The following CTSB variants were observed in gnomAD, a reference collection of about 807,000 sequenced individuals.
CTSB encodes the protein APP secretase.
Under a neutral mutation model 44.3 loss-of-function variants are expected in CTSB, and 57 were observed. That is an observed-to-expected ratio of 1.29 (90% CI 1.04 to 1.60). The LOEUF (loss-of-function observed/expected upper bound fraction) is 1.60. Ranked by LOEUF, CTSB falls within the 40% of genes most tolerant of loss-of-function variation. The pLI is 0.00. For missense variants in CTSB, 768 were observed against 443.0 expected (o/e 1.73, Z -6.59); for synonymous variants, 320 against 168.0 (o/e 1.91, Z -7.00).
intron 1 of CTSB, chr8:11,865,318 G>A (rs1304562656): frequency 6.6e-6 from 1 of 152,214 alleles, no homozygotes; most frequent in Non-Finnish European, 1.5e-5. Flanking sequence ...GCCGAGGTGG[G>A]CGGATCACGA....
intron 4 of CTSB, among the ~76,000 whole-genome samples, chr8:11,850,459 AAAG>A (rs991858118): frequency 2.6e-5 from 4 of 151,774 alleles, no homozygotes; most frequent in African/African-American, 9.7e-5. Flanking sequence ...AAAGAAAACA[AAAG>A]AAGATTGCTA....
chr8:11,855,345 A>G (rs1051109415), intron 1 of CTSB, among the ~76,000 whole-genome samples: 1 of 152,148 alleles, frequency 6.6e-6, no homozygotes, highest in Non-Finnish European at 1.5e-5. Context: ...AAAAAGTTTT[A>G]TGAAAAAAAT....
intron 6 of CTSB, 101 bp from the exon 7 acceptor site, chr8:11,847,923 C>A: frequency 7.0e-7 from 1 of 1,431,752 alleles, no homozygotes; most frequent in Non-Finnish European, 9.5e-7. Context: ...CCAGGCAGGT[C>A]CTGCCAGAGG....
intron 1 of CTSB, among the ~76,000 whole-genome samples, chr8:11,863,389 G>T (rs1224677512): frequency 6.6e-6 from 1 of 151,810 alleles, no homozygotes; most frequent in Admixed American, 6.6e-5. Context: ...AACCCGGGAG[G>T]CGGAGGTTAC....
At chr8:11,862,983 A>G (rs1202206540) in intron 1 of CTSB, among the ~76,000 whole-genome samples, 2 of 152,182 alleles carry the variant, frequency 1.3e-5, no homozygotes, top group East Asian at 3.9e-4. Context: ...CAAGACTGCC[A>G]GCCACACATC....
chr8:11,860,955 C>G (rs983084080), intron 1 of CTSB, among the ~76,000 whole-genome samples: 1 of 152,250 alleles, frequency 6.6e-6, no homozygotes, highest in African/African-American at 2.4e-5. Context: ...TGGAGCAGCC[C>G]TGCACTGGGT....
intron 1 of CTSB, among the ~76,000 whole-genome samples, chr8:11,859,639 G>C (rs774580361): frequency 2.0e-5 from 3 of 151,646 alleles, no homozygotes; most frequent in Non-Finnish European, 4.4e-5. Context: ...ACGGTGGTGG[G>C]TGCCTGTAAT....
In CTSB at chr8:11,849,141, G is replaced by A. The variant is rs763522789; in HGVS notation, c.351C>T (p.Ile117=). ...SCWAFGAVEA[I]SDRICIHTNA... ...TGGTGTGGATGCAGATCCGGTCAGAGATGGCTTCCACAGCCCCGAAGGCCT... is the reference window on the plus strand; with the variant it reads ...TGGTGTGGATGCAGATCCGGTCAGAAATGGCTTCCACAGCCCCGAAGGCCT... Residue 117 remains isoleucine (I), a synonymous_variant, in exon 5 of 10, where the codon ATC becomes ATT. Transcript: ENST00000353047. The A allele has an allele frequency of 1.2e-6, 2 of 1,612,974 alleles. No individual in the cohort carries two copies.
At chr8:11,863,268 G>T (rs1053850119) in intron 1 of CTSB, among the ~76,000 whole-genome samples, 2 of 152,124 alleles carry the variant, frequency 1.3e-5, no homozygotes, top group African/African-American at 2.4e-5. Flanking sequence ...ACACCAGCCC[G>T]ACAAACATAG....
rs1195800646 is a variant in CTSB at position 11,848,171 on chromosome 8, A to G, written c.447-19T>C. The G allele has an allele frequency of 3.1e-6, 5 of 1,608,514 alleles. No individual in the cohort carries two copies. The highest frequency in any genetic ancestry group is 3.4e-6 in the Non-Finnish European group (4 of 1,174,944). On this transcript the variant is annotated intron_variant, in intron 5 of 9. Transcript: ENST00000353047. Reference sequence around the variant, plus strand: ...ATTACAGCTGAAAAGACAGCCTCTAATGAAAACCTCTGAGAGAAGCACCAC... The same window carrying G: ...ATTACAGCTGAAAAGACAGCCTCTAGTGAAAACCTCTGAGAGAAGCACCAC...
Position 11,843,574 on chromosome 8 carries a change from C to T in CTSB, c.*1551G>A, listed in dbSNP as rs756479832. ...AATGCAAACCAGTGGCATACAAATT[C>T]AAAATACTGTATACAGGCCCTGACT... On this transcript the variant is annotated 3_prime_UTR_variant, in exon 10 of 10. Coordinates refer to ENST00000353047, the MANE Select transcript of CTSB (RefSeq NM_001908.5). The T allele has an allele frequency of 1.3e-5, 2 of 152,238 alleles. No homozygotes were observed. Among genetic ancestry groups the T allele is most frequent in the African/African-American group, 2.4e-5 (1 of 41,456 alleles). 9.4% of individuals were successfully genotyped at this position (152,238 alleles called of 1,614,324 possible).
intron 7 of CTSB, among the ~76,000 whole-genome samples, 175 bp from the exon 8 acceptor site, chr8:11,847,343 G>A (rs568349958): frequency 6.6e-6 from 1 of 152,120 alleles, no homozygotes; most frequent in Non-Finnish European, 1.5e-5. Flanking sequence ...GACAGGGCTG[G>A]GGCTGGAAGC....
Position 11,853,465 on chromosome 8 carries a change from G to A in CTSB, c.-11C>T, listed in dbSNP as rs1137063. The A allele has an allele frequency of 0.073, 117,938 of 1,609,730 alleles. 4,957 individuals are homozygous for A. The highest frequency in any genetic ancestry group is 0.085 in the Non-Finnish European group (99,782 of 1,178,852). ...CCAGAGCTGCCACATGTTGGAAGCC[G>A]GATCCTAGATCCACCTGGAGAGGAC... is the stretch of plus-strand genomic sequence containing the variant. On this transcript the variant is annotated 5_prime_UTR_variant, in exon 2 of 10. Coordinates refer to ENST00000353047, the MANE Select transcript of CTSB (RefSeq NM_001908.5).
intron 1 of CTSB, chr8:11,854,656 T>G (rs1043274814): frequency 6.6e-6 from 1 of 152,118 alleles, no homozygotes; most frequent in Non-Finnish European, 1.5e-5. Context: ...AATTTCTGTA[T>G]TTTTAGTAGA....
intron 1 of CTSB, among the ~76,000 whole-genome samples, chr8:11,855,844 C>T (rs1454964015): frequency 6.6e-6 from 1 of 151,920 alleles, no homozygotes; most frequent in African/African-American, 2.4e-5. Context: ...ATGGTGAAAC[C>T]CCGTCTCCAC....
rs1812533227 is a variant in CTSB at position 11,842,987 on chromosome 8, CACCGAGGCTG to C, written c.*2128_*2137del. On this transcript the variant is annotated 3_prime_UTR_variant, in exon 10 of 10. Coordinates refer to ENST00000353047, the MANE Select transcript of CTSB (RefSeq NM_001908.5). ...TTATTGAGACGGAGCCTTGCGCTGT[CACCGAGGCTG>C]GAGTGCACTGGCACTGTCTTGGCTC... The C allele has an allele frequency of 1.4e-5, 2 of 140,500 alleles. No homozygotes were observed. Among genetic ancestry groups the C allele is most frequent in the African/African-American group, 5.5e-5 (2 of 36,096 alleles). The allele number at this position is 140,500 out of a possible 1,614,324, so 8.7% of individuals were successfully genotyped here. A position where few individuals can be genotyped will look rare whatever the true frequency, so the allele number is the denominator to read the frequency against.
At position 11,843,356 on chromosome 8, in the gene CTSB, C is replaced by T. The variant is rs766210921; in HGVS notation, c.*1769G>A. ...CATCTGGTTCCTAAATTCTGAGTCA[C>T]ATCAGAAGCCAAACTTGAATGCTTT... On this transcript the variant is annotated 3_prime_UTR_variant, in exon 10 of 10. Transcript: ENST00000353047. 1 of 152,174 alleles carries T rather than the reference C, an allele frequency of 6.6e-6. No homozygotes were observed. The allele number at this position is 152,174 out of a possible 1,614,324, so 9.4% of individuals were successfully genotyped here. A position where few individuals can be genotyped will look rare whatever the true frequency, so the allele number is the denominator to read the frequency against.
At chr8:11,855,915 G>T (rs796936180) in intron 1 of CTSB, among the ~76,000 whole-genome samples, 2 of 152,262 alleles carry the variant, frequency 1.3e-5, no homozygotes, top group African/African-American at 4.8e-5. Context: ...CTACTTGGGA[G>T]GCTGAGACAG....
intron 1 of CTSB, among the ~76,000 whole-genome samples, chr8:11,866,237 C>T (rs942256731): frequency 3.9e-5 from 6 of 152,176 alleles, no homozygotes; most frequent in South Asian, 2.1e-4. Context: ...CAAAAAGAGC[C>T]TCCCCAGTCT....
Sources: gnomAD v4.1 joint callset for allele counts (sites outside exome capture counted in the v4.1 genomes callset) on GRCh38, gnomAD v4.1.1 for gene constraint, MANE v1.5 for transcripts, NCBI Gene and HGNC (gene_info 2026-07-23, HGNC 2026-07-21) for gene names.